The following RNF150 variants were observed in gnomAD, a reference collection of about 807,000 sequenced individuals.
RNF150 encodes the protein ring finger protein 150.
In RNF150, 24 loss-of-function variants were observed where a neutral mutation model predicts 39.3. The ratio of observed to expected loss-of-function variants is 0.61; its 90% CI spans 0.44 to 0.86. The LOEUF (loss-of-function observed/expected upper bound fraction) is 0.86. RNF150 is among the 40% of genes least tolerant of loss of function. The pLI, the probability that RNF150 is intolerant of heterozygous loss-of-function variation, is 0.00. For missense variants in RNF150, 502 were observed against 587.8 expected (o/e 0.85, Z 1.51); for synonymous variants, 255 against 227.3 (o/e 1.12, Z -1.10).
chr4:140,940,830 C>T (rs13136292), intron 4 of RNF150, among the ~76,000 whole-genome samples: 38,663 of 152,100 alleles, frequency 0.25, 4,993 homozygotes, highest in South Asian at 0.37. Context: ...ACGAGTGCTA[C>T]TCTGGGCCAT....
intron 4 of RNF150, among the ~76,000 whole-genome samples, chr4:140,945,247 A>G (rs536661394): frequency 6.6e-6 from 1 of 152,328 alleles, no homozygotes; most frequent in East Asian, 1.9e-4. Context: ...GGGCTAATGT[A>G]CATTAAAATC....
chr4:141,011,389 C>T (rs1735068935), intron 1 of RNF150, among the ~76,000 whole-genome samples: 1 of 152,188 alleles, frequency 6.6e-6, no homozygotes, highest in Admixed American at 6.5e-5. Context: ...GTCTACCCCT[C>T]ACTTGAGATT....
At chr4:141,034,725 GGAGA>G (rs1039525622) in intron 1 of RNF150, among the ~76,000 whole-genome samples, 5 of 152,014 alleles carry the variant, frequency 3.3e-5, no homozygotes, top group African/African-American at 1.2e-4. Context: ...CGAAGGAGAG[GGAGA>G]GAGAGATAGG....
chr4:140,949,304 G>A lies in RNF150; in HGVS notation c.804C>T (p.Asp268=). Residue 268 remains aspartate, a synonymous_variant, in exon 3 of 7, where the codon GAC becomes GAT. Coordinates refer to ENST00000515673, the MANE Select transcript of RNF150 (RefSeq NM_020724.2). The stretch of plus-strand genomic sequence containing the variant: ...AAAGAAAAGAGGCTGCTATTACCTT[G>A]TCACCCTTCTTGATGGTCCTGATCT... The part of the protein sequence containing the change: ...KLQIRTIKKG[D]KETESDFDNC... 1.2e-6 allele frequency: 2 copies of A among 1,610,208 alleles called. No individual in the cohort carries two copies. Among genetic ancestry groups the A allele is most frequent in the Non-Finnish European group, 1.7e-6 (2 of 1,177,654 alleles).
At chr4:141,190,883 A>G (rs1728100518) in intron 1 of RNF150, among the ~76,000 whole-genome samples, 1 of 152,222 alleles carries the variant, frequency 6.6e-6, no homozygotes. Flanking sequence ...AGTAATTAAT[A>G]GAGTGAAAAG....
intron 1 of RNF150, among the ~76,000 whole-genome samples, chr4:141,205,262 T>C (rs1454751618): frequency 2.0e-5 from 3 of 152,172 alleles, no homozygotes; most frequent in African/African-American, 7.2e-5. Flanking sequence ...GCTATTCACA[T>C]ACAATGTTTA....
intron 6 of RNF150, among the ~76,000 whole-genome samples, chr4:140,903,938 C>T (rs1158384542): frequency 1.3e-5 from 2 of 152,182 alleles, no homozygotes; most frequent in African/African-American, 4.8e-5. Context: ...AGGTACCAGG[C>T]ACATAAGACA....
chr4:141,044,791 ACACACAC>A (rs1736505543), intron 1 of RNF150, among the ~76,000 whole-genome samples: 1 of 149,804 alleles, frequency 6.7e-6, no homozygotes, highest in Non-Finnish European at 1.5e-5. Context: ...ACGCACACAC[ACACACAC>A]AATTCATGTG....
chr4:141,186,593 GAC>G (rs1728017122), intron 1 of RNF150, among the ~76,000 whole-genome samples: 1 of 150,972 alleles, frequency 6.6e-6, no homozygotes, highest in Non-Finnish European at 1.5e-5. Context: ...TTTTAGTAGA[GAC>G]AGGGTTTCAC....
At chr4:140,889,487 A>G (rs1030509026) in intron 6 of RNF150, among the ~76,000 whole-genome samples, 10 of 152,142 alleles carry the variant, frequency 6.6e-5, no homozygotes, top group Non-Finnish European at 8.8e-5. Flanking sequence ...CCTAACCCCA[A>G]TCATTGATTC....
intron 1 of RNF150, among the ~76,000 whole-genome samples, chr4:141,178,499 G>A (rs574754592): frequency 3.6e-4 from 55 of 152,248 alleles, no homozygotes; most frequent in Non-Finnish European, 2.5e-4. Context: ...TAAGAGGTAC[G>A]TTGAGAAGAA....
chr4:141,014,813 T>C (rs1239979032), intron 1 of RNF150, among the ~76,000 whole-genome samples: 2 of 152,192 alleles, frequency 1.3e-5, no homozygotes, highest in Non-Finnish European at 2.9e-5. Context: ...GTCCAGAAGC[T>C]TTCCAGTTTG....
At chr4:141,155,128 C>T (rs1383984145) in intron 1 of RNF150, among the ~76,000 whole-genome samples, 1 of 152,164 alleles carries the variant, frequency 6.6e-6, no homozygotes, top group East Asian at 1.9e-4. Context: ...CCCTGTCACC[C>T]AGACTGGAGT....
At chr4:140,934,227 C>A (rs1247047936) in intron 4 of RNF150, among the ~76,000 whole-genome samples, 4 of 152,164 alleles carry the variant, frequency 2.6e-5, no homozygotes, top group African/African-American at 9.7e-5. Context: ...CCAGGCTGGT[C>A]TGGAACTCCT....
At chr4:141,104,876 C>A (rs1739144978) in intron 1 of RNF150, among the ~76,000 whole-genome samples, 1 of 152,132 alleles carries the variant, frequency 6.6e-6, no homozygotes, top group Admixed American at 6.5e-5. Flanking sequence ...ACTTCCAACT[C>A]CCTCATGGTG....
At chr4:140,934,699 A>G (rs566152845) in intron 4 of RNF150, among the ~76,000 whole-genome samples, 132 of 152,036 alleles carry the variant, frequency 8.7e-4, no homozygotes, top group Non-Finnish European at 1.7e-3. Context: ...AGCCAAAACC[A>G]TATCCCCAGA....
chr4:140,986,443 C>G (rs1214589400), intron 1 of RNF150, among the ~76,000 whole-genome samples: 1 of 152,072 alleles, frequency 6.6e-6, no homozygotes, highest in Non-Finnish European at 1.5e-5. Context: ...TATATTCCCA[C>G]TAGTAAAATA....
At chr4:141,148,885 G>A (rs1371519827) in intron 1 of RNF150, among the ~76,000 whole-genome samples, 1 of 152,174 alleles carries the variant, frequency 6.6e-6, no homozygotes, top group Non-Finnish European at 1.5e-5. Flanking sequence ...GCTGCAGAAG[G>A]GGGTTGATTC....
intron 1 of RNF150, among the ~76,000 whole-genome samples, chr4:140,975,250 C>A (rs1733618630): frequency 6.6e-6 from 1 of 152,078 alleles, no homozygotes; most frequent in African/African-American, 2.4e-5. Context: ...CAGAGCAAGA[C>A]CTTGTCTCAG....
Sources: gnomAD v4.1 joint callset for allele counts (sites outside exome capture counted in the v4.1 genomes callset) on GRCh38, gnomAD v4.1.1 for gene constraint, MANE v1.5 for transcripts, NCBI Gene and HGNC (gene_info 2026-07-23, HGNC 2026-07-21) for gene names.